Variants in HECW1 observed in about 807,000 individuals in gnomAD.
HECW1 encodes the protein E3 ubiquitin-protein ligase HECW1.
HECW1 carries 61 observed loss-of-function variants against 182.3 expected under a neutral mutation model. That is an observed-to-expected ratio of 0.33 (90% CI 0.27 to 0.41). HECW1 has a LOEUF of 0.41. HECW1 is among the 10% of genes least tolerant of loss of function. The pLI is 1.00. For missense variants in HECW1, 1,739 were observed against 2,108.9 expected (o/e 0.82, Z 3.44); for synonymous variants, 859 against 832.6 (o/e 1.03, Z -0.55).
intron 24 of HECW1, among the ~76,000 whole-genome samples, chr7:43,516,331 G>A (rs1010201982): frequency 8.6e-5 from 13 of 151,922 alleles, no homozygotes; most frequent in African/African-American, 4.8e-5. Flanking sequence ...ATGGATGGAC[G>A]GATGGAATAC....
chr7:43,315,645 C>A (rs2152775930), intron 4 of HECW1, among the ~76,000 whole-genome samples: 1 of 152,202 alleles, frequency 6.6e-6, no homozygotes, highest in African/African-American at 2.4e-5. Context: ...AGGCATGCAC[C>A]ACCACCCCTG....
intron 6 of HECW1, 38 bp from the exon 7 acceptor site, chr7:43,396,776 C>T (rs770859134): frequency 1.5e-6 from 2 of 1,369,018 alleles, no homozygotes; most frequent in Non-Finnish European, 2.1e-6. Flanking sequence ...CATTTCAGTG[C>T]TTGTTTTGTT....
intron 6 of HECW1, among the ~76,000 whole-genome samples, chr7:43,363,854 G>A (rs28650865): frequency 0.15 from 22,619 of 152,162 alleles, 1,914 homozygotes; most frequent in South Asian, 0.25. Flanking sequence ...GCTATATGGT[G>A]ATGGAGCAGA....
At chr7:43,157,927 A>C (rs1289524733) in intron 2 of HECW1, among the ~76,000 whole-genome samples, 1 of 152,216 alleles carries the variant, frequency 6.6e-6, no homozygotes, top group East Asian at 1.9e-4. Flanking sequence ...TTTTGGCCTT[A>C]GACAGCTCTG....
chr7:43,264,653 G>A (rs1801555939), intron 3 of HECW1, among the ~76,000 whole-genome samples: 3 of 151,948 alleles, frequency 2.0e-5, no homozygotes, highest in African/African-American at 4.8e-5. Flanking sequence ...AGACCATCCT[G>A]GCTAACACAG....
At chr7:43,211,863 G>A (rs1336815150) in intron 2 of HECW1, among the ~76,000 whole-genome samples, 2 of 152,174 alleles carry the variant, frequency 1.3e-5, no homozygotes, top group Non-Finnish European at 2.9e-5. Context: ...GTTAGAAGGG[G>A]ATGCTTTGTC....
chr7:43,488,481 A>AAAGG (rs2078796667), intron 17 of HECW1, among the ~76,000 whole-genome samples: 1 of 148,010 alleles, frequency 6.8e-6, no homozygotes, highest in East Asian at 2.0e-4. Context: ...AGAAAGAAAG[A>AAAGG]AAGAAAGAGA....
chr7:43,218,208 G>T (rs1164636729), intron 2 of HECW1, among the ~76,000 whole-genome samples: 2 of 152,210 alleles, frequency 1.3e-5, no homozygotes, highest in Non-Finnish European at 2.9e-5. Flanking sequence ...TTCAGTGTAA[G>T]ATATATTTAG....
At chr7:43,339,102 T>C (rs1177633766) in intron 5 of HECW1, among the ~76,000 whole-genome samples, 4 of 152,228 alleles carry the variant, frequency 2.6e-5, no homozygotes, top group Non-Finnish European at 5.9e-5. Context: ...TTTATCTTTG[T>C]CTTTGGATTT....
chr7:43,530,444 A>G (rs1014020994), intron 24 of HECW1, among the ~76,000 whole-genome samples: 7 of 152,034 alleles, frequency 4.6e-5, no homozygotes, highest in African/African-American at 1.7e-4. Context: ...TACATAAGAA[A>G]ATATCTCCAT....
chr7:43,225,827 G>A (rs938049402), intron 2 of HECW1, among the ~76,000 whole-genome samples: 3 of 151,542 alleles, frequency 2.0e-5, no homozygotes, highest in Admixed American at 1.3e-4. Flanking sequence ...CTGTGTCACC[G>A]AGGCTGGAAT....
chr7:43,203,052 C>T (rs1305397864), intron 2 of HECW1, among the ~76,000 whole-genome samples: 2 of 152,132 alleles, frequency 1.3e-5, no homozygotes, highest in African/African-American at 2.4e-5. Flanking sequence ...AGCTTTGTTG[C>T]CCACACAAAG....
At chr7:43,302,952 C>T (rs1249060684) in intron 3 of HECW1, among the ~76,000 whole-genome samples, 4 of 151,912 alleles carry the variant, frequency 2.6e-5, no homozygotes, top group East Asian at 1.9e-4. Context: ...CACACACATG[C>T]GCGCACACAC....
intron 24 of HECW1, among the ~76,000 whole-genome samples, chr7:43,529,581 T>C (rs530509021): frequency 6.6e-6 from 1 of 152,294 alleles, no homozygotes; most frequent in South Asian, 2.1e-4. Context: ...TCACGTCCAC[T>C]GTGAGATGAC....
At chr7:43,433,134 A>G (rs920317161) in intron 8 of HECW1, among the ~76,000 whole-genome samples, 46 of 152,180 alleles carry the variant, frequency 3.0e-4, no homozygotes, top group African/African-American at 1.1e-3. Context: ...ATGGGTAGAG[A>G]TTCACTTCCA....
intron 3 of HECW1, among the ~76,000 whole-genome samples, chr7:43,301,766 T>A (rs1806819242): frequency 6.6e-6 from 1 of 151,342 alleles, no homozygotes; most frequent in South Asian, 2.1e-4. Context: ...TCCCAGCTAC[T>A]CGGGAGGCTG....
At chr7:43,492,256 G>A in intron 18 of HECW1, 76 bp downstream of exon 18, 1 of 1,095,194 alleles carries the variant, frequency 9.1e-7, no homozygotes, top group Non-Finnish European at 1.4e-6. Flanking sequence ...TTGTTTTTCT[G>A]GTTTTTGTCA....
intron 2 of HECW1, among the ~76,000 whole-genome samples, chr7:43,115,018 T>A (rs1352341347): frequency 6.6e-6 from 1 of 152,248 alleles, no homozygotes; most frequent in Admixed American, 6.5e-5. Flanking sequence ...AAAGGCCAGA[T>A]GTGATATGGA....
chr7:43,198,520 C>T (rs539337270), intron 2 of HECW1, among the ~76,000 whole-genome samples: 12 of 151,288 alleles, frequency 7.9e-5, no homozygotes, highest in African/African-American at 2.9e-4. Flanking sequence ...TCACACACCA[C>T]AGACACCACA....
Sources: allele counts gnomAD v4.1 joint callset (sites outside exome capture counted in the v4.1 genomes callset), GRCh38; gene constraint gnomAD v4.1.1; transcripts MANE v1.5; gene names NCBI Gene and HGNC (gene_info 2026-07-23, HGNC 2026-07-21).